Variants in PRR14L observed in about 807,000 individuals in gnomAD.
PRR14L encodes the protein protein PRR14L.
A neutral mutation model predicts 155.0 loss-of-function variants in PRR14L; 80 were observed. That is an observed-to-expected ratio of 0.52 (90% confidence interval 0.43 to 0.62). The LOEUF is 0.62. Ranked by LOEUF, PRR14L falls within the 20% of genes least tolerant of loss-of-function variation. The probability of loss-of-function intolerance (pLI) is 0.00; values close to 1 mark genes in which losing one functional copy is unlikely to be tolerated. For synonymous variants in PRR14L, 883 were observed against 916.0 expected (o/e 0.96, Z 0.65); for missense variants, 2,469 against 2,548.0 (o/e 0.97, Z 0.67).
intron 2 of PRR14L, among the ~76,000 whole-genome samples, chr22:31,728,632 T>C (rs996922627): frequency 6.9e-6 from 1 of 145,302 alleles, no homozygotes; most frequent in Non-Finnish European, 1.5e-5. Flanking sequence ...AAACGTATAC[T>C]ACGCTTTTGT....
At chr22:31,735,574 C>T (rs1053496801) in intron 2 of PRR14L, among the ~76,000 whole-genome samples, 28 of 150,942 alleles carry the variant, frequency 1.9e-4, no homozygotes, top group Admixed American at 1.3e-3. Context: ...ATGTGTATTA[C>T]GCATGCTTTT....
At chr22:31,734,321 G>A (rs773757695) in intron 2 of PRR14L, among the ~76,000 whole-genome samples, 4 of 152,120 alleles carry the variant, frequency 2.6e-5, no homozygotes, top group African/African-American at 4.8e-5. Context: ...CTCAATTCAA[G>A]AGTTCTTCAT....
Position 31,713,709 on chromosome 22 carries a change from A to T in PRR14L, c.4130T>A (p.Phe1377Tyr). The T allele has an allele frequency of 6.4e-7, 1 of 1,552,326 alleles. No homozygotes were observed. ...ATGATTAAGTATCCCCCGGCATTTA[A>T]AATGGGTCTGAGAGATGTTGCTCAC... is the stretch of plus-strand genomic sequence containing the variant. ...DPVSNISQTH[F>Y]KCRGILNHAE... Residue 1377 changes from phenylalanine (F) to tyrosine (Y), a missense_variant, in exon 4 of 9, where the codon TTT becomes TAT. Phe to Tyr is a conservative substitution (Grantham distance 22). Coordinates refer to ENST00000327423, the MANE Select transcript of PRR14L (RefSeq NM_173566.3).
intron 1 of PRR14L, among the ~76,000 whole-genome samples, chr22:31,747,213 C>A (rs976257729): frequency 1.5e-4 from 22 of 151,662 alleles, no homozygotes; most frequent in East Asian, 5.8e-4. Context: ...CAGGTTCAAG[C>A]GATTCTCCTG....
In PRR14L at chr22:31,715,893, T is replaced by A; in HGVS notation, c.1946A>T (p.Glu649Val). 1 of 1,551,538 alleles carries A rather than the reference T, an allele frequency of 6.4e-7. No homozygotes were observed. Among genetic ancestry groups the A allele is most frequent in the East Asian group, 2.4e-5 (1 of 40,924 alleles). The change falls in exon 4 of 9, where the codon GAA becomes GTA. Residue 649 changes from glutamate (E) to valine (V), a missense_variant. Glu to Val is a moderately radical substitution (Grantham distance 121). This residue lies in a region of PRR14L where 2,363 missense variants were observed against 2,371.6 expected (regional missense o/e 1.00). Coordinates refer to ENST00000327423, the MANE Select transcript of PRR14L (RefSeq NM_173566.3). ...NELVVNKVESECVLNQQVSLN... is the reference protein window; with the variant it reads ...NELVVNKVESVCVLNQQVSLN... ...GGACACTTGTTGATTTAAAACACAT[T>A]CACTTTCTACTTTGTTTACAACCAG...
At chr22:31,706,364 C>CAAA (rs1192585065) in intron 4 of PRR14L, among the ~76,000 whole-genome samples, 6 of 57,104 alleles carry the variant, frequency 1.1e-4, no homozygotes, top group African/African-American at 3.2e-4. Context: ...CTCTATCTCA[C>CAAA]AAAAAAAAAA....
intron 2 of PRR14L, among the ~76,000 whole-genome samples, chr22:31,737,230 CA>C (rs914522209): frequency 8.6e-5 from 13 of 151,848 alleles, no homozygotes; most frequent in African/African-American, 3.1e-4. Context: ...CCTATAATCC[CA>C]ACATTTTGGG....
rs1225294300 is a variant in PRR14L at position 31,682,860 on chromosome 22, C to T, written c.*2667G>A. The T allele has an allele frequency of 6.6e-6, 1 of 152,240 alleles. No homozygotes were observed. The highest frequency in any genetic ancestry group is 1.5e-5 in the Non-Finnish European group (1 of 68,062). The allele number at this position is 152,240 out of a possible 1,614,324, so 9.4% of individuals were successfully genotyped here. ...GTGCCAGCAGCCGATTACCATGTCCCATCGTGGTTAGGGACCACGGGCCTG... is the reference window on the plus strand; with the variant it reads ...GTGCCAGCAGCCGATTACCATGTCCTATCGTGGTTAGGGACCACGGGCCTG... On this transcript the variant is annotated 3_prime_UTR_variant, in exon 9 of 9. Transcript: ENST00000327423.
In PRR14L at chr22:31,714,284, A is replaced by G. The variant is rs1320577991; in HGVS notation, c.3555T>C (p.Asp1185=). ...GTGTTTCTCTGAGAGATGTTCCTTT[A>G]TCTTGCTGTCCATAATGGCTATCAT... is the stretch of plus-strand genomic sequence containing the variant. ...SLNDSHYGQQ[D]KGTSLRETQE... Residue 1185 remains aspartate (D), a synonymous_variant, in exon 4 of 9, where the codon GAT becomes GAC. Transcript: ENST00000327423. 3.2e-6 allele frequency: 5 copies of G among 1,551,580 alleles called. No homozygotes were observed. The highest frequency in any genetic ancestry group is 4.4e-6 in the Non-Finnish European group (5 of 1,146,958).
intron 7 of PRR14L, among the ~76,000 whole-genome samples, chr22:31,699,752 GA>G (rs2074553659): frequency 6.6e-6 from 1 of 152,076 alleles, no homozygotes; most frequent in African/African-American, 2.4e-5. Context: ...TTGGAAAACA[GA>G]AAAGTCAGGA....
chr22:31,697,301 CAAA>C (rs35748258), intron 7 of PRR14L, among the ~76,000 whole-genome samples: 12 of 58,574 alleles, frequency 2.0e-4, no homozygotes, highest in Non-Finnish European at 2.9e-4. Flanking sequence ...TACTCTGTCT[CAAA>C]AAAAAAAAAA....
At chr22:31,688,869 A>T (rs1439658882) in intron 7 of PRR14L, among the ~76,000 whole-genome samples, 1 of 151,102 alleles carries the variant, frequency 6.6e-6, no homozygotes, top group African/African-American at 2.4e-5. Flanking sequence ...AGCCTGGGTG[A>T]CAAAGACCCT....
At chr22:31,731,420 T>C (rs1029951648) in intron 2 of PRR14L, among the ~76,000 whole-genome samples, 1 of 151,706 alleles carries the variant, frequency 6.6e-6, no homozygotes, top group Admixed American at 6.6e-5. Context: ...AAAAATTAGT[T>C]AGCCAGGCCT....
Position 31,712,800 on chromosome 22 carries a change from T to A in PRR14L, c.5039A>T (p.Asp1680Val). The change falls in exon 4 of 9, where the codon GAT becomes GTT. Residue 1680 changes from aspartate to valine, a missense_variant. By Grantham distance (152) the Asp-to-Val change is radical. Around this residue, in one of 2 missense-constraint regions of PRR14L, gnomAD observed 2,363 missense variants for 2,371.6 expected, o/e 1.00. Transcript: ENST00000327423. ...CATGGGCTTACTGTTAGGCCTCTTA[T>A]CCCATCCACTAGCTGCCAAATATGG... The part of the protein sequence containing the change: ...LNPYLAASGW[D>V]KRPNSKPMAL... 6.4e-7 allele frequency: 1 copy of A among 1,552,086 alleles called. No homozygotes were observed. The highest frequency in any genetic ancestry group is 1.4e-5 in the African/African-American group (1 of 73,184).
At chr22:31,704,828 G>T in intron 4 of PRR14L, 102 bp from the exon 5 acceptor site, 1 of 750,516 alleles carries the variant, frequency 1.3e-6, no homozygotes, top group Non-Finnish European at 2.2e-6. Flanking sequence ...GCCCCAAGAA[G>T]ACAAGAAATG....
chr22:31,712,592 T>C lies in PRR14L; in HGVS notation c.5247A>G (p.Leu1749=), dbSNP rs1360597340. The part of the protein sequence containing the change: ...PEHCAPARLA[L]GEALQCPSQP... ...GAGACGGGCACTGGAGGGCCTCTCC[T>C]AAGGCAAGCCTTGCCGGAGCACAGT... is the stretch of plus-strand genomic sequence containing the variant. The change falls in exon 4 of 9, where the codon TTA becomes TTG. Residue 1749 remains leucine (L), a synonymous_variant. Coordinates refer to ENST00000327423, the MANE Select transcript of PRR14L (RefSeq NM_173566.3). The C allele has an allele frequency of 1.9e-6, 3 of 1,551,718 alleles. No individual in the cohort carries two copies. Among genetic ancestry groups the C allele is most frequent in the Non-Finnish European group, 2.6e-6 (3 of 1,147,002 alleles).
intron 2 of PRR14L, among the ~76,000 whole-genome samples, chr22:31,733,310 T>G (rs1271866419): frequency 3.5e-5 from 5 of 142,290 alleles, no homozygotes; most frequent in Non-Finnish European, 7.6e-5. Flanking sequence ...TTTTTTTTTT[T>G]TTTTTTTTTT....
At chr22:31,709,654 C>T (rs1385785018) in intron 4 of PRR14L, among the ~76,000 whole-genome samples, 1 of 149,556 alleles carries the variant, frequency 6.7e-6, no homozygotes, top group Admixed American at 6.7e-5. Flanking sequence ...GATTCTCCTG[C>T]CTCAGCTTCC....
At chr22:31,725,451 C>T (rs1239145240) in intron 3 of PRR14L, 87 bp downstream of exon 3, 4 of 877,152 alleles carry the variant, frequency 4.6e-6, no homozygotes, top group Non-Finnish European at 7.5e-6. Flanking sequence ...ACTTACAACC[C>T]TTATATTCTC....
Sources: gnomAD v4.1 joint callset for allele counts (sites outside exome capture counted in the v4.1 genomes callset) on GRCh38, gnomAD v4.1.1 for gene constraint, gnomAD v4.1.1 regional missense constraint, MANE v1.5 for transcripts, NCBI Gene and HGNC (gene_info 2026-07-23, HGNC 2026-07-21) for gene names.